The following PRKD1 variants were observed in gnomAD, a reference collection of about 807,000 sequenced individuals.
The protein encoded by PRKD1 is serine/threonine-protein kinase D1.
In PRKD1, 63 loss-of-function variants were observed where a neutral mutation model predicts 95.9. The observed-to-expected ratio is 0.66, with a 90% CI of 0.54 to 0.81. The LOEUF (loss-of-function observed/expected upper bound fraction) is 0.81, where lower values mean the gene tolerates loss of function less well. Among genes scored for constraint, PRKD1 ranks in the 30% least tolerant of loss-of-function variants. The probability of loss-of-function intolerance (pLI) is 0.00; values close to 1 mark genes in which losing one functional copy is unlikely to be tolerated. For missense variants in PRKD1, 1,048 were observed against 1,165.3 expected, an observed-to-expected ratio of 0.90 and a Z score of 1.47; for synonymous variants, 425 against 423.1, an observed-to-expected ratio of 1.00 and a Z score of -0.05.
At chr14:29,887,477 T>G (rs1291107477) in intron 1 of PRKD1, among the ~76,000 whole-genome samples, 1 of 152,204 alleles carries the variant, frequency 6.6e-6, no homozygotes, top group African/African-American at 2.4e-5. Context: ...GCAAGAATAC[T>G]ATGGAAAAAC....
chr14:29,591,379 T>C (rs1256705159), intron 16 of PRKD1: 1 of 152,176 alleles, frequency 6.6e-6, no homozygotes, highest in East Asian at 1.9e-4. Flanking sequence ...GTATCTAACT[T>C]TGAATATCAG....
intron 1 of PRKD1, among the ~76,000 whole-genome samples, chr14:29,797,737 C>T (rs1889876577): frequency 6.6e-6 from 1 of 152,176 alleles, no homozygotes; most frequent in Admixed American, 6.5e-5. Flanking sequence ...CCTTAGCTTT[C>T]CTGTCCCTCC....
At chr14:29,861,082 A>T (rs536290880) in intron 1 of PRKD1, among the ~76,000 whole-genome samples, 1 of 152,232 alleles carries the variant, frequency 6.6e-6, no homozygotes, top group Non-Finnish European at 1.5e-5. Context: ...TATACTAAAC[A>T]AGCCAAATTA....
chr14:29,829,271 A>C (rs1294500372), intron 1 of PRKD1, among the ~76,000 whole-genome samples: 4 of 152,198 alleles, frequency 2.6e-5, no homozygotes, highest in African/African-American at 9.6e-5. Context: ...CCATGAGCAA[A>C]ATTTAAAAAT....
chr14:29,925,918 A>G (rs924482078), intron 1 of PRKD1, among the ~76,000 whole-genome samples: 2 of 152,228 alleles, frequency 1.3e-5, no homozygotes, highest in African/African-American at 2.4e-5. Flanking sequence ...CTGACCCACA[A>G]TAGACATTCC....
At chr14:29,722,337 C>G (rs905697106) in intron 2 of PRKD1, among the ~76,000 whole-genome samples, 4 of 152,158 alleles carry the variant, frequency 2.6e-5, no homozygotes, top group Admixed American at 2.6e-4. Context: ...CCAAGCTCTC[C>G]TGCACATATG....
Position 29,634,436 on chromosome 14 carries a change from G to A in PRKD1, c.1296C>T (p.Tyr432=). The change falls in exon 8 of 18, where the codon TAC becomes TAT. Residue 432 remains tyrosine (Y), a synonymous_variant. Transcript: ENST00000331968. The part of the protein sequence containing the change: ...TVMKEGWMVH[Y]TSKDTLRKRH... ...ATCTTACCAGCGTGTCCTTGCTGGT[G>A]TAGTGGACCATCCATCCTTCTTTCA... 3.1e-6 allele frequency: 5 copies of A among 1,614,056 alleles called. No individual in the cohort carries two copies. Among genetic ancestry groups the A allele is most frequent in the Non-Finnish European group, 2.5e-6 (3 of 1,179,958 alleles).
intron 2 of PRKD1, among the ~76,000 whole-genome samples, chr14:29,717,048 C>A: frequency 6.6e-6 from 1 of 152,124 alleles, no homozygotes; most frequent in East Asian, 1.9e-4. Context: ...TAGATTATGT[C>A]AAGAAGAACT....
chr14:29,889,641 A>G (rs1893869080), intron 1 of PRKD1, among the ~76,000 whole-genome samples: 1 of 152,232 alleles, frequency 6.6e-6, no homozygotes, highest in Admixed American at 6.5e-5. Context: ...TCACAGGGAC[A>G]GAAAACCAAA....
chr14:29,682,987 T>TAG (rs753918549), intron 2 of PRKD1, among the ~76,000 whole-genome samples: 8 of 152,134 alleles, frequency 5.3e-5, no homozygotes, highest in Non-Finnish European at 1.0e-4. Context: ...AGGCCTTGTG[T>TAG]AGAGAGGCCT....
At chr14:29,649,311 G>A (rs1027151277) in intron 4 of PRKD1, among the ~76,000 whole-genome samples, 2 of 152,120 alleles carry the variant, frequency 1.3e-5, no homozygotes, top group Non-Finnish European at 2.9e-5. Flanking sequence ...GTAAGGAGGA[G>A]GGGTCTTTAT....
intron 1 of PRKD1, among the ~76,000 whole-genome samples, chr14:29,912,094 A>G (rs1473934330): frequency 6.6e-6 from 1 of 152,186 alleles, no homozygotes; most frequent in East Asian, 1.9e-4. Flanking sequence ...TGTCTGACCT[A>G]GTTAGGAGAA....
At chr14:29,779,171 A>C (rs190484605) in intron 1 of PRKD1, among the ~76,000 whole-genome samples, 34 of 152,346 alleles carry the variant, frequency 2.2e-4, no homozygotes, top group Admixed American at 9.1e-4. Flanking sequence ...AAAAACCCAC[A>C]GGCAATATCA....
chr14:29,647,064 C>T lies in PRKD1; in HGVS notation c.697-8160G>A, dbSNP rs187379116. On this transcript the variant is annotated intron_variant, in intron 4 of 17. Transcript: ENST00000331968. ...TCAACACCTTTTCACAACAGTGAAA[C>T]GGTGGCTACAGGGCAAGCAAAAAAA... 5.3e-5 allele frequency among the ~76,000 whole-genome samples: 8 copies of T among 151,884 alleles called. No homozygotes were observed. The South Asian group carries it at 6.2e-4, about 12-fold the overall frequency.
At chr14:29,859,570 TGCACCTCAGCCTGGGCAACA>T (rs929686774) in intron 1 of PRKD1, among the ~76,000 whole-genome samples, 2 of 149,994 alleles carry the variant, frequency 1.3e-5, no homozygotes, top group African/African-American at 4.9e-5. Flanking sequence ...ATCCTGCCAC[TGCACCTCAGCCTGGGCAACA>T]GAGCAAGACT....
At chr14:29,833,278 T>C (rs1234163650) in intron 1 of PRKD1, among the ~76,000 whole-genome samples, 4 of 152,246 alleles carry the variant, frequency 2.6e-5, no homozygotes, top group East Asian at 1.9e-4. Flanking sequence ...CAACCTACCA[T>C]TAGTTGTGTA....
Position 29,849,493 on chromosome 14 carries a change from T to A in PRKD1, c.264+77756A>T, listed in dbSNP as rs187096200. On this transcript the variant is annotated intron_variant, in intron 1 of 17. Transcript: ENST00000331968. ...CTCAAAACAGACACCTTCCTAAGAT[T>A]GAATCAGGAAGAAACTGAAACTCTG... Among the ~76,000 whole-genome samples, 375 of 151,978 alleles carry A rather than the reference T, an allele frequency of 2.5e-3. 3 individuals carry two copies. Among genetic ancestry groups the A allele is most frequent in the Middle Eastern group, 6.8e-3 (2 of 294 alleles).
Position 29,677,578 on chromosome 14 carries a change from G to GTTGT in PRKD1, c.404-11374_404-11371dup, listed in dbSNP as rs1467424599. On this transcript the variant is annotated intron_variant, in intron 2 of 17. Transcript: ENST00000331968. ...GGTAAAGGCAGTCCTGTTTTTTGTTGTTGTTTGTTTGTTTTGAGACAGGAT... is the reference window on the plus strand; with the variant it reads ...GGTAAAGGCAGTCCTGTTTTTTGTTGTTGTTTGTTTGTTTGTTTTGAGACAGGAT... 4.6e-5 allele frequency among the ~76,000 whole-genome samples: 7 copies of GTTGT among 152,170 alleles called. No individual in the cohort carries two copies. The South Asian group carries it at 1.5e-3, about 32-fold the overall frequency.
At chr14:29,912,306 C>CAAA (rs144375276) in intron 1 of PRKD1, among the ~76,000 whole-genome samples, 3,546 of 148,698 alleles carry the variant, frequency 0.024, 143 homozygotes, top group African/African-American at 0.083. Context: ...TTGTAATTTT[C>CAAA]AAAAAAAAAC....
Sources: allele counts gnomAD v4.1 joint callset (sites outside exome capture counted in the v4.1 genomes callset), GRCh38; gene constraint gnomAD v4.1.1; transcripts MANE v1.5; gene names NCBI Gene and HGNC (gene_info 2026-07-23, HGNC 2026-07-21).